The following MGRN1 variants were observed in gnomAD, a reference collection of about 807,000 sequenced individuals.
The protein encoded by MGRN1 is E3 ubiquitin-protein ligase MGRN1.
MGRN1 carries 29 observed loss-of-function variants against 69.2 expected under a neutral mutation model. The observed-to-expected ratio is 0.42, with a 90% CI of 0.31 to 0.57. MGRN1 has a LOEUF of 0.57. Ranked by LOEUF, MGRN1 falls within the 20% of genes least tolerant of loss-of-function variation. The probability of loss-of-function intolerance (pLI) is 0.15; values close to 1 mark genes in which losing one functional copy is unlikely to be tolerated. For missense variants in MGRN1, 998 were observed against 796.2 expected, an observed-to-expected ratio of 1.25 and a Z score of -3.05; for synonymous variants, 470 against 344.2, an observed-to-expected ratio of 1.37 and a Z score of -4.04.
chr16:4,664,854 A>C, intron 6 of MGRN1, 79 bp downstream of exon 6: 1 of 1,559,314 alleles, frequency 6.4e-7, no homozygotes, highest in South Asian at 1.1e-5. Flanking sequence ...GAGTGCTTGC[A>C]GCAGTGATGA....
intron 16 of MGRN1, chr16:4,688,050 C>A (rs941435544): frequency 3.0e-6 from 3 of 985,434 alleles, no homozygotes; most frequent in African/African-American, 1.7e-5. Flanking sequence ...ACAGGGCTCA[C>A]AGCCTCGGAA....
intron 1 of MGRN1, among the ~76,000 whole-genome samples, chr16:4,630,048 C>CAAA (rs1166734489): frequency 4.8e-4 from 21 of 43,858 alleles, no homozygotes; most frequent in African/African-American, 7.1e-4. Context: ...GACACCATCT[C>CAAA]AAAAAAAAAA....
intron 11 of MGRN1, among the ~76,000 whole-genome samples, chr16:4,678,002 C>T (rs2079091134): frequency 6.6e-6 from 1 of 152,082 alleles, no homozygotes; most frequent in South Asian, 2.1e-4. Flanking sequence ...CGTGTACCAC[C>T]ACGCCGAGCT....
At chr16:4,644,239 C>A (rs927943847) in intron 1 of MGRN1, among the ~76,000 whole-genome samples, 1 of 151,564 alleles carries the variant, frequency 6.6e-6, no homozygotes. Flanking sequence ...TGATCCACCC[C>A]CCTCAGCCTC....
At chr16:4,675,080 C>T (rs1196279417) in intron 10 of MGRN1, among the ~76,000 whole-genome samples, 1 of 152,192 alleles carries the variant, frequency 6.6e-6, no homozygotes, top group Non-Finnish European at 1.5e-5. Flanking sequence ...TCAAATGATT[C>T]TTGTGACTCA....
chr16:4,630,048 CAAAAAAAAAA>C (rs1166734489), intron 1 of MGRN1, among the ~76,000 whole-genome samples: 3 of 43,862 alleles, frequency 6.8e-5, no homozygotes, highest in African/African-American at 2.1e-4. Context: ...GACACCATCT[CAAAAAAAAAA>C]AAAAAAAAAA....
chr16:4,679,779 A>G lies in MGRN1; in HGVS notation c.1066-253A>G, dbSNP rs115033185. 3.0e-3 allele frequency among the ~76,000 whole-genome samples: 461 copies of G among 152,190 alleles called. 4 individuals carry two copies. The highest frequency in any genetic ancestry group is 0.01 in the African/African-American group (436 of 41,564). ...GACCCAGACTGCGGGGGGACAGGCA[A>G]TGGGGATGAGATTGGGCTCCACAGC... is the stretch of plus-strand genomic sequence containing the variant. On this transcript the variant is annotated intron_variant, in intron 11 of 16. Coordinates refer to ENST00000262370, the MANE Select transcript of MGRN1 (RefSeq NM_015246.4).
intron 1 of MGRN1, among the ~76,000 whole-genome samples, chr16:4,626,903 C>G (rs1684607): frequency 0.96 from 145,849 of 152,306 alleles, 70,133 homozygotes; most frequent in East Asian, 1. Context: ...CAGTGTTCTG[C>G]GCCCATCCAG....
intron 12 of MGRN1, among the ~76,000 whole-genome samples, chr16:4,680,969 C>T (rs1027606117): frequency 6.6e-6 from 1 of 152,244 alleles, no homozygotes; most frequent in Non-Finnish European, 1.5e-5. Context: ...CGCAGTCTGA[C>T]TTCCGTTCCC....
intron 5 of MGRN1, among the ~76,000 whole-genome samples, chr16:4,661,628 C>T (rs1048652032): frequency 5.3e-5 from 8 of 152,282 alleles, no homozygotes; most frequent in African/African-American, 1.9e-4. Flanking sequence ...GCCCTGCCAG[C>T]TCCTGGCTCC....
chr16:4,657,199 GC>G (rs1371769563), intron 4 of MGRN1, 46 bp from the exon 5 acceptor site: 2 of 1,563,750 alleles, frequency 1.3e-6, no homozygotes, highest in Non-Finnish European at 1.8e-6. Flanking sequence ...GGCACGGAGG[GC>G]CCTCTTCCTG....
At chr16:4,645,128 T>C (rs2078246379) in intron 1 of MGRN1, among the ~76,000 whole-genome samples, 2 of 128,640 alleles carry the variant, frequency 1.6e-5, no homozygotes, top group African/African-American at 6.1e-5. Flanking sequence ...TGCATATATA[T>C]ATAGAGTGAG....
At chr16:4,674,066 C>A (rs1429993119) in intron 10 of MGRN1, among the ~76,000 whole-genome samples, 2 of 151,970 alleles carry the variant, frequency 1.3e-5, no homozygotes, top group South Asian at 2.1e-4. Flanking sequence ...CTTACTGTAA[C>A]CTCTGCCTCC....
At chr16:4,686,775 A>G in intron 16 of MGRN1, 9 of 992,664 alleles carry the variant, frequency 9.1e-6, no homozygotes, top group Non-Finnish European at 1.1e-5. Flanking sequence ...ATGAGTTCGC[A>G]TCGGTCCTGC....
rs1281036439 is a variant in MGRN1, at chr16:4,681,583, A to G, written c.1165A>G (p.Ile389Val). 3 of 1,613,472 alleles carry G rather than the reference A, an allele frequency of 1.9e-6. No individual in the cohort carries two copies. Among genetic ancestry groups the G allele is most frequent in the Admixed American group, 3.3e-5 (2 of 60,018 alleles). Residue 389 changes from isoleucine (I) to valine (V), a missense_variant, in exon 13 of 17, where the codon ATC becomes GTC. By Grantham distance (29) the Ile-to-Val change is conservative. Transcript: ENST00000262370. ...SDSVPPGYEP[I>V]SLLEALNGLR... ...CAGCGTCCCACCTGGCTACGAGCCC[A>G]TCTCGCTGCTCGAGGCGCTCAACGG...
rs58001283 is a variant in MGRN1 at position 4,669,431 on chromosome 16, C to CA, written c.726+1136dup. Among the ~76,000 whole-genome samples, 547 of 92,970 alleles carry CA rather than the reference C, an allele frequency of 5.9e-3. 11 individuals are homozygous for CA. Among genetic ancestry groups the CA allele is most frequent in the African/African-American group, 0.014 (344 of 24,184 alleles). The allele number at this position is 92,970 out of a possible 152,430, so 61.0% of individuals were successfully genotyped here. On this transcript the variant is annotated intron_variant, in intron 8 of 16. Coordinates refer to ENST00000262370, the MANE Select transcript of MGRN1 (RefSeq NM_015246.4). ...CCTGGGTGACAGAGGAAGACTGTGT[C>CA]AAAAAAAAAAAAAAAAAGCTGTGCA...
At position 4,682,917 on chromosome 16, in the gene MGRN1, C is replaced by T. The variant is rs368814602; in HGVS notation, c.1453C>T (p.Leu485=). 6.2e-7 allele frequency: 1 copy of T among 1,602,132 alleles called. No individual in the cohort carries two copies. ...DAPPPLGGAE[L]ALRESSSPES... ...CCCTCCCCCACTGGGTGGCGCAGAG[C>T]TGGCCCTGCGGGAAAGCAGCTCCCC... The change falls in exon 14 of 17, where the codon CTG becomes TTG. Residue 485 remains leucine, a synonymous_variant. Coordinates refer to ENST00000262370, the MANE Select transcript of MGRN1 (RefSeq NM_015246.4).
At chr16:4,633,158 C>T (rs1156950601) in intron 1 of MGRN1, among the ~76,000 whole-genome samples, 5 of 151,888 alleles carry the variant, frequency 3.3e-5, no homozygotes, top group Admixed American at 3.3e-4. Context: ...GAGGCTGAGG[C>T]GGGTGGACCA....
intron 1 of MGRN1, among the ~76,000 whole-genome samples, chr16:4,642,169 C>T (rs1452639733): frequency 1.4e-5 from 2 of 143,312 alleles, no homozygotes; most frequent in South Asian, 2.2e-4. Context: ...CTTGCTCTTT[C>T]GCCCAGGCTG....
Sources: allele counts gnomAD v4.1 joint callset (sites outside exome capture counted in the v4.1 genomes callset), GRCh38; gene constraint gnomAD v4.1.1; transcripts MANE v1.5; gene names NCBI Gene and HGNC (gene_info 2026-07-23, HGNC 2026-07-21).